ALPK2: variants seen among roughly 807,000 people sequenced by gnomAD.
The protein encoded by ALPK2 is alpha kinase 2.
In ALPK2, 127 loss-of-function variants were observed where a neutral mutation model predicts 163.1. That is an observed-to-expected ratio of 0.78 (90% CI 0.67 to 0.90). The LOEUF (loss-of-function observed/expected upper bound fraction) is 0.90, where lower values mean the gene tolerates loss of function less well. ALPK2 is among the 40% of genes least tolerant of loss of function. The probability of loss-of-function intolerance (pLI) is 0.00; values close to 1 mark genes in which losing one functional copy is unlikely to be tolerated. For missense variants in ALPK2, 2,360 were observed against 2,589.6 expected (o/e 0.91, Z 1.92); for synonymous variants, 953 against 959.1 (o/e 0.99, Z 0.12).
intron 3 of ALPK2, among the ~76,000 whole-genome samples, chr18:58,604,048 G>A (rs867838498): frequency 1.3e-5 from 2 of 152,234 alleles, no homozygotes; most frequent in African/African-American, 4.8e-5. Flanking sequence ...CAGGATGCAG[G>A]GAAGATAGAG....
intron 10 of ALPK2, among the ~76,000 whole-genome samples, chr18:58,504,948 G>A (rs535281424): frequency 6.4e-4 from 98 of 152,308 alleles, no homozygotes; most frequent in African/African-American, 2.3e-3. Context: ...CTGGCGTGCA[G>A]CGGGAGTGCA....
intron 12 of ALPK2, among the ~76,000 whole-genome samples, chr18:58,483,709 C>T (rs985711328): frequency 6.8e-6 from 1 of 147,514 alleles, no homozygotes; most frequent in African/African-American, 2.5e-5. Flanking sequence ...CACCACCACA[C>T]CCGGCTAATT....
chr18:58,597,802 G>T (rs1763231740), intron 3 of ALPK2, among the ~76,000 whole-genome samples: 1 of 152,212 alleles, frequency 6.6e-6, no homozygotes, highest in Non-Finnish European at 1.5e-5. Context: ...TTGGAGGCAG[G>T]GCCTCTGGGA....
intron 4 of ALPK2, chr18:58,543,501 T>A (rs911347351): frequency 3.6e-6 from 2 of 562,402 alleles, no homozygotes; most frequent in Non-Finnish European, 4.5e-6. Context: ...GCAGAAAGGG[T>A]ATCACTACAC....
chr18:58,586,150 A>C (rs2051985821), intron 3 of ALPK2, among the ~76,000 whole-genome samples: 1 of 152,232 alleles, frequency 6.6e-6, no homozygotes, highest in South Asian at 2.1e-4. Flanking sequence ...TCTTATCAGA[A>C]TAATTTTTAA....
intron 7 of ALPK2, 22 bp from the exon 8 acceptor site, chr18:58,523,863 A>G: frequency 6.2e-7 from 1 of 1,614,220 alleles, no homozygotes; most frequent in South Asian, 1.1e-5. Context: ...CAAAGCAGAG[A>G]ATGGCTTCAG....
intron 11 of ALPK2, among the ~76,000 whole-genome samples, chr18:58,500,175 CGCT>C (rs2051424176): frequency 6.6e-6 from 1 of 151,076 alleles, no homozygotes; most frequent in Non-Finnish European, 1.5e-5. Flanking sequence ...CTTTCAAAGC[CGCT>C]AATAACTCAA....
rs2052246180 is a variant in ALPK2, at chr18:58,629,043, T to C, written c.-300A>G. On this transcript the variant is annotated 5_prime_UTR_variant, in exon 1 of 13. Coordinates refer to ENST00000361673, the MANE Select transcript of ALPK2 (RefSeq NM_052947.4). ...CAGTGAACTAGGTCATTGCTGAAGC[T>C]GGAGAATATATTTTAGCATCCCTGT... 6.6e-6 allele frequency: 1 copy of C among 152,204 alleles called. No individual in the cohort carries two copies. Among genetic ancestry groups the C allele is most frequent in the East Asian group, 1.9e-4 (1 of 5,202 alleles). The allele number at this position is 152,204 out of a possible 1,614,324, so 9.4% of individuals were successfully genotyped here.
chr18:58,592,721 T>C (rs2052020585), intron 3 of ALPK2, among the ~76,000 whole-genome samples: 1 of 152,210 alleles, frequency 6.6e-6, no homozygotes, highest in Non-Finnish European at 1.5e-5. Flanking sequence ...CGAAGCCGAT[T>C]GCAGAGGCAG....
chr18:58,559,750 T>C (rs1468628902), intron 4 of ALPK2, among the ~76,000 whole-genome samples: 1 of 152,212 alleles, frequency 6.6e-6, no homozygotes, highest in Non-Finnish European at 1.5e-5. Flanking sequence ...CGTCAGATTT[T>C]CTAAGCCAAA....
rs544258746 is a variant in ALPK2 at position 58,527,291 on chromosome 18, C to T, written c.5501+1800G>A. 2.6e-5 allele frequency among the ~76,000 whole-genome samples: 4 copies of T among 152,344 alleles called. No homozygotes were observed. The East Asian group carries it at 5.8e-4, about 22-fold the overall frequency. Reference sequence around the variant, plus strand: ...AAATTAGCAAACATTTGAAAACCCACTTGAAATAATATAAATGATCTCTCA... The same window carrying T: ...AAATTAGCAAACATTTGAAAACCCATTTGAAATAATATAAATGATCTCTCA... On this transcript the variant is annotated intron_variant, in intron 6 of 12. Transcript: ENST00000361673.
At chr18:58,616,899 C>T (rs543633494) in intron 1 of ALPK2, among the ~76,000 whole-genome samples, 5 of 151,348 alleles carry the variant, frequency 3.3e-5, no homozygotes, top group East Asian at 3.9e-4. Flanking sequence ...GCTGGTGTTC[C>T]GGGGGCTTGG....
chr18:58,628,094 G>A (rs1025105408), intron 1 of ALPK2, among the ~76,000 whole-genome samples: 4 of 152,120 alleles, frequency 2.6e-5, no homozygotes, highest in African/African-American at 9.7e-5. Context: ...TCATTAAATT[G>A]TAATGTGACA....
chr18:58,595,967 A>T (rs2052038664), intron 3 of ALPK2, among the ~76,000 whole-genome samples: 1 of 152,198 alleles, frequency 6.6e-6, no homozygotes, highest in Non-Finnish European at 1.5e-5. Flanking sequence ...CAACGTTTCC[A>T]TCAAGGGTAA....
intron 11 of ALPK2, among the ~76,000 whole-genome samples, chr18:58,498,956 G>A (rs531308211): frequency 2.0e-5 from 3 of 152,146 alleles, no homozygotes; most frequent in East Asian, 1.9e-4. Flanking sequence ...TTAGTTCAAA[G>A]CCAAACTTCA....
In ALPK2 at chr18:58,516,955, T is replaced by A. The variant is rs1383030629; in HGVS notation, c.5893A>T (p.Arg1965Ter). The A allele has an allele frequency of 1.2e-6, 2 of 1,614,094 alleles. No individual in the cohort carries two copies. Among genetic ancestry groups the A allele is most frequent in the Admixed American group, 3.3e-5 (2 of 60,008 alleles). ...KVHNAIAYGT[R>*]NNDELIQRNY... ...CTTTGGATGAGCTCATCATTATTTC[T>A]GGTCCCATAGGCAATGGCATTGTGC... Residue 1965 changes from arginine to a stop codon, truncating the protein, a stop_gained, in exon 9 of 13, where the codon AGA becomes TGA. Transcript: ENST00000361673. LOFTEE classifies it high-confidence loss of function.
chr18:58,581,492 C>G (rs1314457773), intron 3 of ALPK2, among the ~76,000 whole-genome samples: 1 of 152,176 alleles, frequency 6.6e-6, no homozygotes, highest in Non-Finnish European at 1.5e-5. Context: ...AGGGGAGGAA[C>G]AGAATGCTGG....
Position 58,538,132 on chromosome 18 carries a change from C to A in ALPK2, c.2055G>T (p.Gly685=), listed in dbSNP as rs1369518264. 2 of 1,613,918 alleles carry A rather than the reference C, an allele frequency of 1.2e-6. No homozygotes were observed. Among genetic ancestry groups the A allele is most frequent in the Non-Finnish European group, 1.7e-6 (2 of 1,180,028 alleles). ...AGTTTGAGAAGGAAATTGTTGTGGT[C>A]CCAGTGAATGGGGACTCCTCCCCAG... ...EPAGEESPFT[G]TTTISFSNLG... The change falls in exon 5 of 13, where the codon GGG becomes GGT. Residue 685 remains glycine (G), a synonymous_variant. Coordinates refer to ENST00000361673, the MANE Select transcript of ALPK2 (RefSeq NM_052947.4).
At chr18:58,487,875 C>CA (rs34666733) in intron 12 of ALPK2, among the ~76,000 whole-genome samples, 1 of 151,752 alleles carries the variant, frequency 6.6e-6, no homozygotes, top group Non-Finnish European at 1.5e-5. Flanking sequence ...AAAACAAAAA[C>CA]AAAAAATATG....
Sources: allele counts gnomAD v4.1 joint callset (sites outside exome capture counted in the v4.1 genomes callset), GRCh38; gene constraint gnomAD v4.1.1; transcripts MANE v1.5; gene names NCBI Gene and HGNC (gene_info 2026-07-23, HGNC 2026-07-21).